The following ITPR1 variants were observed in gnomAD, a reference collection of about 807,000 sequenced individuals.
ITPR1 encodes inositol 1,4,5-trisphosphate-gated calcium channel ITPR1.
Under a neutral mutation model 318.4 loss-of-function variants are expected in ITPR1, and 96 were observed. The observed-to-expected ratio is 0.30, with a 90% confidence interval of 0.26 to 0.36. ITPR1 has a LOEUF of 0.36. Ranked by LOEUF, ITPR1 falls within the 10% of genes least tolerant of loss-of-function variation. The probability of loss-of-function intolerance (pLI) is 1.00; values close to 1 mark genes in which losing one functional copy is unlikely to be tolerated. For missense variants in ITPR1, 2,440 were observed against 3,460.2 expected (o/e 0.71, Z 7.40); for synonymous variants, 1,312 against 1,289.9 (o/e 1.02, Z -0.37).
At chr3:4,784,539 G>C (rs1366400379) in intron 51 of ITPR1, among the ~76,000 whole-genome samples, 3 of 151,586 alleles carry the variant, frequency 2.0e-5, no homozygotes, top group African/African-American at 7.3e-5. Context: ...TCCCCAAGAG[G>C]GCATTACAAT....
At chr3:4,530,772 C>G (rs2083350730) in intron 4 of ITPR1, among the ~76,000 whole-genome samples, 1 of 137,238 alleles carries the variant, frequency 7.3e-6, no homozygotes, top group Admixed American at 7.1e-5. Flanking sequence ...CAGAGCAAGA[C>G]TCAACAACAA....
At chr3:4,532,170 G>A (rs1232301139) in intron 4 of ITPR1, among the ~76,000 whole-genome samples, 2 of 152,220 alleles carry the variant, frequency 1.3e-5, no homozygotes, top group East Asian at 1.9e-4. Context: ...AACCATGCCT[G>A]TCTCCCTAAG....
At chr3:4,600,803 G>A (rs564667613) in intron 4 of ITPR1, among the ~76,000 whole-genome samples, 2 of 152,056 alleles carry the variant, frequency 1.3e-5, no homozygotes, top group Non-Finnish European at 2.9e-5. Context: ...CAACAAGGGC[G>A]ACTCCCACAG....
At chr3:4,548,659 T>C (rs769338582) in intron 4 of ITPR1, among the ~76,000 whole-genome samples, 2 of 152,166 alleles carry the variant, frequency 1.3e-5, no homozygotes, top group African/African-American at 2.4e-5. Context: ...AGGCATTTTA[T>C]TTGGGGGGAT....
At chr3:4,790,452 G>A (rs1392769777) in intron 52 of ITPR1, among the ~76,000 whole-genome samples, 2 of 152,200 alleles carry the variant, frequency 1.3e-5, no homozygotes, top group Non-Finnish European at 1.5e-5. Context: ...AAGCACAACT[G>A]CAGTTGTCAG....
At chr3:4,645,886 T>G (rs2093445173) in intron 10 of ITPR1, 158 bp downstream of exon 10, 1 of 672,226 alleles carries the variant, frequency 1.5e-6, no homozygotes. Context: ...AGAATACATG[T>G]GTGTGTATAT....
intron 4 of ITPR1, among the ~76,000 whole-genome samples, chr3:4,564,805 C>T (rs2087048077): frequency 6.6e-6 from 1 of 152,126 alleles, no homozygotes; most frequent in African/African-American, 2.4e-5. Flanking sequence ...CTGTCTCAGA[C>T]ACTTTCTGAG....
chr3:4,692,133 C>CT (rs35689187), intron 32 of ITPR1, among the ~76,000 whole-genome samples: 93 of 52,642 alleles, frequency 1.8e-3, no homozygotes, highest in Non-Finnish European at 3.4e-3. Context: ...CAGAGTGAGA[C>CT]GTTGTCTCTT....
At chr3:4,756,862 A>G (rs1435695451) in intron 44 of ITPR1, among the ~76,000 whole-genome samples, 1 of 152,164 alleles carries the variant, frequency 6.6e-6, no homozygotes, top group African/African-American at 2.4e-5. Context: ...GGATCCACCT[A>G]TCTTACACCT....
intron 28 of ITPR1, 81 bp from the exon 29 acceptor site, chr3:4,684,200 T>C: frequency 1.1e-6 from 1 of 894,028 alleles, no homozygotes. Context: ...CTTTCTTTCC[T>C]AAAGGTCGAT....
intron 19 of ITPR1, 84 bp from the exon 20 acceptor site, chr3:4,670,645 C>T: frequency 9.8e-7 from 1 of 1,015,780 alleles, no homozygotes; most frequent in Admixed American, 2.0e-5. Flanking sequence ...AGTGTCTTTC[C>T]ATGTGTCTTT....
chr3:4,732,690 G>A (rs1411146415), intron 42 of ITPR1, among the ~76,000 whole-genome samples: 1 of 151,988 alleles, frequency 6.6e-6, no homozygotes, highest in Non-Finnish European at 1.5e-5. Context: ...TTCGGACCTT[G>A]GGAATAAACC....
intron 24 of ITPR1, among the ~76,000 whole-genome samples, chr3:4,678,660 G>T (rs956490074): frequency 6.6e-6 from 1 of 152,164 alleles, no homozygotes; most frequent in Non-Finnish European, 1.5e-5. Flanking sequence ...CCGGGAGTGG[G>T]GTCATGTGAC....
At chr3:4,649,608 C>T (rs1466037684) in intron 10 of ITPR1, among the ~76,000 whole-genome samples, 1 of 152,218 alleles carries the variant, frequency 6.6e-6, no homozygotes, top group African/African-American at 2.4e-5. Flanking sequence ...AGAATCCTAT[C>T]ATATATGGTC....
At chr3:4,502,203 T>A (rs997884779) in intron 2 of ITPR1, among the ~76,000 whole-genome samples, 2 of 152,150 alleles carry the variant, frequency 1.3e-5, no homozygotes, top group African/African-American at 4.8e-5. Flanking sequence ...CGCCAGATCC[T>A]TCTATTCCTT....
At chr3:4,533,976 C>T (rs111369758) in intron 4 of ITPR1, among the ~76,000 whole-genome samples, 254 of 152,288 alleles carry the variant, frequency 1.7e-3, no homozygotes, top group Middle Eastern at 6.8e-3. Context: ...CTGCTCTTTC[C>T]CAAAAGCTGC....
chr3:4,827,977 C>T (rs1575400837), intron 60 of ITPR1, among the ~76,000 whole-genome samples: 3 of 152,198 alleles, frequency 2.0e-5, no homozygotes, highest in East Asian at 1.9e-4. Context: ...CATCTTCCAT[C>T]ACTTCTTTCT....
intron 4 of ITPR1, among the ~76,000 whole-genome samples, chr3:4,594,792 C>T (rs1044808776): frequency 1.3e-5 from 2 of 152,030 alleles, no homozygotes; most frequent in Non-Finnish European, 2.9e-5. Flanking sequence ...AATCTGGGCC[C>T]GTTGTCATCT....
intron 24 of ITPR1, 46 bp downstream of exon 24, chr3:4,676,847 C>T (rs140697834): frequency 6.8e-5 from 99 of 1,460,464 alleles, no homozygotes; most frequent in South Asian, 2.1e-4. Context: ...GTCACAGAGG[C>T]GCCATTCAGA....
Sources: allele counts gnomAD v4.1 joint callset (sites outside exome capture counted in the v4.1 genomes callset), GRCh38; gene constraint gnomAD v4.1.1; transcripts MANE v1.5; gene names NCBI Gene and HGNC (gene_info 2026-07-23, HGNC 2026-07-21).